Variants in KPTN observed in about 807,000 individuals in gnomAD.
The protein encoded by KPTN is KICSTOR complex protein kaptin.
A neutral mutation model predicts 52.6 loss-of-function variants in KPTN; 36 were observed. That is an observed-to-expected ratio of 0.68 (90% confidence interval 0.52 to 0.90). The LOEUF (loss-of-function observed/expected upper bound fraction) is 0.90, where lower values mean the gene tolerates loss of function less well. Among genes scored for constraint, KPTN ranks in the 40% least tolerant of loss-of-function variants. KPTN has a pLI of 0.00. For missense variants in KPTN, 529 were observed against 576.2 expected, an observed-to-expected ratio of 0.92 and a Z score of 0.84; for synonymous variants, 271 against 248.4, an observed-to-expected ratio of 1.09 and a Z score of -0.85.
At chr19:47,483,242 C>A (rs774556617) in intron 3 of KPTN, 27 bp from the exon 4 acceptor site, 1 of 1,613,832 alleles carries the variant, frequency 6.2e-7, no homozygotes, top group Admixed American at 1.7e-5. Context: ...GGCAGGTTAG[C>A]ATGGGGGACC....
At chr19:47,484,249 G>A (rs1266881069), upstream of KPTN, 4 of 1,428,638 alleles carry the variant, frequency 2.8e-6, 1 homozygote, top group South Asian at 4.1e-5. Context: ...ACCGCCGGGT[G>A]CCCGGCCGTT....
chr19:47,476,222 T>G, intron 11 of KPTN: 2 of 188,068 alleles, frequency 1.1e-5, no homozygotes, highest in Non-Finnish European at 1.1e-5. Context: ...GGCATGAGAA[T>G]TGTTTGAACC....
intron 8 of KPTN, among the ~76,000 whole-genome samples, chr19:47,478,573 A>AAAAAAAAAAG: frequency 6.7e-6 from 1 of 149,886 alleles, no homozygotes; most frequent in Non-Finnish European, 1.5e-5. Context: ...TGTCTAAAAA[A>AAAAAAAAAAG]AAAAAAAAAA....
chr19:47,479,081 C>T (rs1967775753), intron 8 of KPTN, among the ~76,000 whole-genome samples: 1 of 152,176 alleles, frequency 6.6e-6, no homozygotes. Flanking sequence ...CTGGCTCCGC[C>T]ACCCAGGCTG....
upstream of KPTN, chr19:47,484,256 C>T: frequency 7.2e-7 from 1 of 1,398,430 alleles, no homozygotes; most frequent in Non-Finnish European, 9.5e-7. Flanking sequence ...GGTGCCCGGC[C>T]GTTGCGCGGG....
At chr19:47,476,316 AAAT>A in intron 11 of KPTN, 1 of 331,848 alleles carries the variant, frequency 3.0e-6, no homozygotes, top group East Asian at 4.0e-5. Flanking sequence ...CTCAAAAATA[AAAT>A]AATAAATAAA....
chr19:47,481,094 C>T lies in KPTN; in HGVS notation c.450-61G>A, dbSNP rs949981103. 25 of 1,378,528 alleles carry T rather than the reference C, an allele frequency of 1.8e-5. 1 individual carries two copies. The highest frequency in any genetic ancestry group is 2.2e-5 in the Non-Finnish European group (22 of 989,498). The allele number at this position is 1,378,528 out of a possible 1,614,324, so 85.4% of individuals were successfully genotyped here. ...AATCCACATGGTCTGAGAACCAGAA[C>T]TCTCCTCTTGCAAAAACCCCTGCCT... On this transcript the variant is annotated intron_variant, in intron 4 of 11. Coordinates refer to ENST00000338134, the MANE Select transcript of KPTN (RefSeq NM_007059.4).
intron 11 of KPTN, chr19:47,476,264 G>C: frequency 4.1e-6 from 1 of 244,124 alleles, no homozygotes; most frequent in Non-Finnish European, 7.5e-6. Flanking sequence ...AGCTGAGATC[G>C]AGTCACTGCG....
Position 47,476,708 on chromosome 19 carries a change from GC to G in KPTN, c.1005del (p.Leu336CysfsTer39). 6.2e-7 allele frequency: 1 copy of G among 1,611,302 alleles called. No homozygotes were observed. Among genetic ancestry groups the G allele is most frequent in the African/African-American group, 1.3e-5 (1 of 74,920 alleles). On this transcript the variant is annotated frameshift_variant, in exon 11 of 12. Transcript: ENST00000338134. LOFTEE classifies it high-confidence loss of function. ...EVLVATYGQE[L>X]LCYKYRGPES... The stretch of plus-strand genomic sequence containing the variant: ...TCTGGGCCCCGGTACTTATAACACA[GC>G]AGTTCCTGCGGGGGTGAAGAATCAG...
chr19:47,483,720 C>T, intron 1 of KPTN, 136 bp from the exon 2 acceptor site: 1 of 900,736 alleles, frequency 1.1e-6, no homozygotes, highest in South Asian at 1.7e-5. Context: ...TCTCTGTTCC[C>T]TGGGTACTAG....
upstream of KPTN, chr19:47,484,324 C>T (rs960325172): frequency 4.3e-5 from 37 of 859,092 alleles, no homozygotes; most frequent in Non-Finnish European, 5.9e-5. Context: ...GCCAGGTCGC[C>T]TGCTCGGGCC....
intron 1 of KPTN, 80 bp from the exon 2 acceptor site, chr19:47,483,664 G>A: frequency 1.8e-6 from 2 of 1,109,346 alleles, no homozygotes; most frequent in South Asian, 1.5e-5. Context: ...TCTGGCTACC[G>A]CAATGATCAT....
intron 1 of KPTN, 61 bp from the exon 2 acceptor site, chr19:47,483,645 A>G (rs1599879680): frequency 7.9e-7 from 1 of 1,267,220 alleles, no homozygotes; most frequent in Non-Finnish European, 1.1e-6. Flanking sequence ...TCTCCCCAAC[A>G]TGGTGAGCTC....
chr19:47,480,296 A>G lies in KPTN; in HGVS notation c.709+2T>C. The G allele has an allele frequency of 1.4e-6, 2 of 1,476,886 alleles. No individual in the cohort carries two copies. The highest frequency in any genetic ancestry group is 1.8e-6 in the Non-Finnish European group (2 of 1,107,078). The allele number at this position is 1,476,886 out of a possible 1,614,324, so 91.5% of individuals were successfully genotyped here. A position where few individuals can be genotyped will look rare whatever the true frequency, so the allele number is the denominator to read the frequency against. ...CTTACCCCGCCTCACCGCGGCCCTC[A>G]CCTCGACTCCGCTGGTCCACGTGGG... is the stretch of plus-strand genomic sequence containing the variant. On this transcript the variant is annotated splice_donor_variant, in intron 7 of 11. Transcript: ENST00000338134. LOFTEE classifies it high-confidence loss of function.
intron 8 of KPTN, 136 bp downstream of exon 8, chr19:47,479,727 G>C (rs1777462787): frequency 1.5e-6 from 1 of 673,090 alleles, no homozygotes. Context: ...CCTGGAGTGG[G>C]GGATCCAGGA....
Position 47,480,308 on chromosome 19 carries a change from C to T in KPTN, c.699G>A (p.Gln233=). 1.3e-6 allele frequency: 2 copies of T among 1,548,668 alleles called. No individual in the cohort carries two copies. The highest frequency in any genetic ancestry group is 1.2e-5 in the South Asian group (1 of 83,890). The change falls in exon 7 of 12, where the codon CAG becomes CAA. Residue 233 remains glutamine, a synonymous_variant. Transcript: ENST00000338134. ...CACCGCGGCCCTCACCTCGACTCCG[C>T]TGGTCCACGTGGGCGACACGGACAT... ...SGYVRVAHVD[Q]RSREVLQMWS...
At chr19:47,481,969 A>G (rs1568457419) in intron 4 of KPTN, among the ~76,000 whole-genome samples, 1 of 152,192 alleles carries the variant, frequency 6.6e-6, no homozygotes, top group Admixed American at 6.5e-5. Context: ...TCTGGCTTCT[A>G]TCGTACTGTA....
In KPTN at chr19:47,483,928, C is replaced by T; in HGVS notation, c.226+7G>A. 2 of 1,613,292 alleles carry T rather than the reference C, an allele frequency of 1.2e-6. No homozygotes were observed. Among genetic ancestry groups the T allele is most frequent in the Non-Finnish European group, 1.7e-6 (2 of 1,179,872 alleles). On this transcript the variant is annotated splice_region_variant and intron_variant, in intron 1 of 11. Coordinates refer to ENST00000338134, the MANE Select transcript of KPTN (RefSeq NM_007059.4). Reference sequence around the variant, plus strand: ...CCCCCGCCCCCCAGCACCATAGCGCCACCCACCGGGAATGTAGTTGAACTG... The same window carrying T: ...CCCCCGCCCCCCAGCACCATAGCGCTACCCACCGGGAATGTAGTTGAACTG...
Position 47,479,889 on chromosome 19 carries a change from A to G in KPTN, c.761T>C (p.Ile254Thr), listed in dbSNP as rs200513352. Residue 254 changes from isoleucine (I) to threonine (T), a missense_variant, in exon 8 of 12, where the codon ATT (isoleucine) becomes ACT (threonine). Transcript: ENST00000338134. The stretch of plus-strand genomic sequence containing the variant: ...CTTGGCGGCCGAGAGGCTGAACACA[A>G]TCACTCGGGAGATGGGACCGTCCTG... ...VLQDGPISRV[I>T]VFSLSAAKET... 685 of 1,613,504 alleles carry G rather than the reference A, an allele frequency of 4.2e-4. 2 individuals carry two copies. Among genetic ancestry groups the G allele is most frequent in the Admixed American group, 2.8e-3 (165 of 59,998 alleles).
Sources: gnomAD v4.1 joint callset for allele counts (sites outside exome capture counted in the v4.1 genomes callset) on GRCh38, gnomAD v4.1.1 for gene constraint, MANE v1.5 for transcripts, NCBI Gene and HGNC (gene_info 2026-07-23, HGNC 2026-07-21) for gene names.